ZFX: variants seen among roughly 807,000 people sequenced by gnomAD.
The protein encoded by ZFX is zinc finger protein X-linked.
For missense variants in ZFX, 362 were observed against 628.3 expected (o/e 0.58, Z 4.53); for synonymous variants, 196 against 226.8 (o/e 0.86, Z 1.22).
At chrX:24,170,324 T>C (rs1427524106) in intron 3 of ZFX, among the ~76,000 whole-genome samples, 1 of 108,347 alleles carries the variant, frequency 9.2e-6, no homozygotes, top group Non-Finnish European at 1.9e-5. Context: ...GCCTGGCTAA[T>C]TTTTGTATTT....
rs771679814 is a variant in ZFX, at chrX:24,210,314, C to T, written c.1356C>T (p.Ala452=). Residue 452 remains alanine, a synonymous_variant, in exon 10 of 10, where the codon GCC becomes GCT. Coordinates refer to ENST00000304543, the MANE Select transcript of ZFX (RefSeq NM_003410.4). ...TGAAAAACCATCCCGAACACCTTGC[C>T]AAGAAGAAATACCGCTGTACTGACT... is the stretch of plus-strand genomic sequence containing the variant. The part of the protein sequence containing the change: ...RHMKNHPEHL[A]KKKYRCTDCD... The T allele has an allele frequency of 8.3e-7, 1 of 1,211,553 alleles. No individual in the cohort carries two copies. The highest frequency in any genetic ancestry group is 1.1e-6 in the Non-Finnish European group (1 of 895,502).
rs1938436871 is a variant in ZFX at position 24,215,866 on chromosome X, T to TG, written c.*4490_*4491insG. ...AGATTGTGTGTGTGTGTGTGTGTGT[T>TG]TAATTGGCCCAGGGTTACTTAAATA... On this transcript the variant is annotated 3_prime_UTR_variant, in exon 10 of 10. Transcript: ENST00000304543. 9.8e-6 allele frequency: 1 copy of TG among 102,328 alleles called. No individual in the cohort carries two copies. The highest frequency in any genetic ancestry group is 2.0e-5 in the Non-Finnish European group (1 of 49,772). 8.4% of individuals were successfully genotyped at this position (102,328 alleles called of 1,213,427 possible).
At chrX:24,195,698 G>C (rs996313779) in intron 5 of ZFX, among the ~76,000 whole-genome samples, 2 of 111,086 alleles carry the variant, frequency 1.8e-5, no homozygotes, top group African/African-American at 3.3e-5. Context: ...GTTTCACGAT[G>C]TTTTGCCATG....
intron 8 of ZFX, among the ~76,000 whole-genome samples, chrX:24,208,629 T>G (rs1937797237): frequency 1.8e-5 from 2 of 112,292 alleles, no homozygotes; most frequent in Non-Finnish European, 3.8e-5. Flanking sequence ...TCATCTTGAT[T>G]ATGTTTGGCC....
intron 3 of ZFX, among the ~76,000 whole-genome samples, chrX:24,153,730 A>G (rs1207220805): frequency 9.0e-6 from 1 of 111,283 alleles, no homozygotes; most frequent in Non-Finnish European, 1.9e-5. Context: ...CTGTGTGTTT[A>G]TATTTTTTCC....
rs1260002034 is a variant in ZFX, at chrX:24,202,817, C to T, written c.647-4509C>T. 2.7e-5 allele frequency among the ~76,000 whole-genome samples: 3 copies of T among 111,953 alleles called. No homozygotes were observed. The South Asian group carries it at 1.1e-3, about 41-fold the overall frequency. ...TTCACATCTCATTCATTCAGTGAAT[C>T]GTTGATTCATCAATATTCTGATCAT... On this transcript the variant is annotated intron_variant, in intron 5 of 9. Transcript: ENST00000304543.
chrX:24,162,814 A>T (rs1933493628), intron 3 of ZFX, among the ~76,000 whole-genome samples: 1 of 111,002 alleles, frequency 9.0e-6, no homozygotes, highest in Non-Finnish European at 1.9e-5. Flanking sequence ...CGTCACCCCA[A>T]AAAGAAACCC....
intron 3 of ZFX, among the ~76,000 whole-genome samples, chrX:24,162,594 T>C (rs1933467092): frequency 1.8e-5 from 2 of 111,988 alleles, no homozygotes; most frequent in Non-Finnish European, 3.8e-5. Flanking sequence ...ATAGATGTCT[T>C]TTTGTTATAA....
At chrX:24,172,623 T>A (rs1444538951) in intron 3 of ZFX, 92 bp from the exon 4 acceptor site, 1 of 600,285 alleles carries the variant, frequency 1.7e-6, no homozygotes, top group Non-Finnish European at 2.4e-6. Context: ...TTCACATAAT[T>A]TGAGTGTCTC....
intron 3 of ZFX, among the ~76,000 whole-genome samples, chrX:24,157,297 A>G (rs1451737052): frequency 8.9e-6 from 1 of 112,140 alleles, no homozygotes; most frequent in African/African-American, 3.2e-5. Context: ...TATAAGGATC[A>G]CTGTTGACTT....
chrX:24,170,249 G>A (rs749179954), intron 3 of ZFX, among the ~76,000 whole-genome samples: 6 of 107,031 alleles, frequency 5.6e-5, no homozygotes, highest in Non-Finnish European at 7.7e-5. Context: ...TCCACCTCCC[G>A]GATTCAAGTA....
Position 24,211,193 on chromosome X carries a change from A to G in ZFX, c.2235A>G (p.Lys745=), listed in dbSNP as rs1310501617. ...ATATGAAGACACACAGTGGCAGGAA[A>G]GTGTATCAGTGTGAGTACTGTGAGT... ...KKHMKTHSGR[K]VYQCEYCEYS... Residue 745 remains lysine (K), a synonymous_variant, in exon 10 of 10, where the codon AAA becomes AAG. Transcript: ENST00000304543. The G allele has an allele frequency of 1.1e-5, 13 of 1,212,284 alleles. No homozygotes were observed. Among genetic ancestry groups the G allele is most frequent in the Non-Finnish European group, 1.5e-5 (13 of 895,664 alleles).
Position 24,212,326 on chromosome X carries a change from A to T in ZFX, c.*950A>T, listed in dbSNP as rs771025745. 8.9e-6 allele frequency: 1 copy of T among 112,290 alleles called. No homozygotes were observed. Among genetic ancestry groups the T allele is most frequent in the African/African-American group, 3.2e-5 (1 of 30,770 alleles). The allele number at this position is 112,290 out of a possible 1,213,427, so 9.3% of individuals were successfully genotyped here. A position where few individuals can be genotyped will look rare whatever the true frequency, so the allele number is the denominator to read the frequency against. ...CCCAAGTAGTAGTTGTTTAAAATCT[A>T]TAATGAAAAGTATTAAATTTACAAT... On this transcript the variant is annotated 3_prime_UTR_variant, in exon 10 of 10. Coordinates refer to ENST00000304543, the MANE Select transcript of ZFX (RefSeq NM_003410.4).
intron 5 of ZFX, among the ~76,000 whole-genome samples, chrX:24,182,976 G>T (rs182489080): frequency 9.0e-6 from 1 of 111,447 alleles, no homozygotes; most frequent in Non-Finnish European, 1.9e-5. Context: ...GGTAAAAGGA[G>T]TACTTGAATG....
chrX:24,180,275 A>G (rs1935563976), intron 5 of ZFX, among the ~76,000 whole-genome samples: 1 of 111,234 alleles, frequency 9.0e-6, no homozygotes, highest in South Asian at 3.7e-4. Flanking sequence ...CTTTGGAATC[A>G]TGAAGAATGT....
chrX:24,182,465 C>T (rs1021641362), intron 5 of ZFX, among the ~76,000 whole-genome samples: 2 of 111,414 alleles, frequency 1.8e-5, no homozygotes, highest in Non-Finnish European at 3.8e-5. Flanking sequence ...GTATTTCCAA[C>T]ACTGTTAAGG....
chrX:24,149,488 C>G (rs1240794300), upstream of ZFX: 1 of 111,740 alleles, frequency 8.9e-6, no homozygotes, highest in Non-Finnish European at 1.9e-5. Flanking sequence ...CCCGCCGCAG[C>G]GAGGCCACTG....
Position 24,211,388 on chromosome X carries a change from C to T in ZFX, c.*12C>T. On this transcript the variant is annotated 3_prime_UTR_variant, in exon 10 of 10. Transcript: ENST00000304543. ...TTGGCCTGCCCTAACAATACTTCTA[C>T]AGAACGTTTGTAGAGATATTGGCCT... 3.3e-6 allele frequency: 4 copies of T among 1,209,870 alleles called. No homozygotes were observed. Among genetic ancestry groups the T allele is most frequent in the African/African-American group, 1.7e-5 (1 of 57,822 alleles).
intron 5 of ZFX, among the ~76,000 whole-genome samples, chrX:24,198,482 TG>T (rs869261949): frequency 1.6e-4 from 13 of 78,963 alleles, no homozygotes; most frequent in Non-Finnish European, 3.0e-4. Flanking sequence ...CACCTGGCTT[TG>T]TTTTTTTTTT....
Sources: allele counts gnomAD v4.1 joint callset (sites outside exome capture counted in the v4.1 genomes callset), GRCh38; gene constraint gnomAD v4.1.1; transcripts MANE v1.5; gene names NCBI Gene and HGNC (gene_info 2026-07-23, HGNC 2026-07-21).